VAT1L: variants seen among roughly 807,000 people sequenced by gnomAD.
The protein encoded by VAT1L is vesicle amine transport 1 like.
Under a neutral mutation model 44.1 loss-of-function variants are expected in VAT1L, and 34 were observed. That is an observed-to-expected ratio of 0.77 (90% CI 0.59 to 1.03). The LOEUF (loss-of-function observed/expected upper bound fraction) is 1.03. VAT1L is among the 50% of genes least tolerant of loss of function. VAT1L has a pLI of 0.00. For missense variants in VAT1L, 615 were observed against 538.8 expected (o/e 1.14, Z -1.40); for synonymous variants, 253 against 202.2 (o/e 1.25, Z -2.13).
intron 1 of VAT1L, among the ~76,000 whole-genome samples, chr16:77,804,497 G>A (rs2016120177): frequency 6.6e-6 from 1 of 152,026 alleles, no homozygotes; most frequent in Non-Finnish European, 1.5e-5. Flanking sequence ...TACTAATTTG[G>A]GCATATGATC....
At chr16:77,866,275 C>T (rs902061380) in intron 4 of VAT1L, among the ~76,000 whole-genome samples, 3 of 152,200 alleles carry the variant, frequency 2.0e-5, no homozygotes, top group Admixed American at 6.5e-5. Flanking sequence ...AAATTCAGAA[C>T]AAGCCCCTAC....
chr16:77,847,366 CG>C (rs2016768151), intron 3 of VAT1L, among the ~76,000 whole-genome samples: 1 of 152,294 alleles, frequency 6.6e-6, no homozygotes, highest in Admixed American at 6.5e-5. Flanking sequence ...ACCTCTCCCC[CG>C]GTCTTCCCGT....
rs545138475 is a variant in VAT1L, at chr16:77,872,256, A to T, written c.723-4114A>T. Among the ~76,000 whole-genome samples the T allele has an allele frequency of 2.6e-5, 4 of 152,216 alleles. No homozygotes were observed. In the South Asian group the frequency reaches 8.3e-4, roughly 32 times the overall value. On this transcript the variant is annotated intron_variant, in intron 4 of 8. Transcript: ENST00000302536. Reference sequence around the variant, plus strand: ...CCCTCTCCCCTGCGTACCCACCTCCATGTGAGCTGTTGATTGTGATAGCCA... The same window carrying T: ...CCCTCTCCCCTGCGTACCCACCTCCTTGTGAGCTGTTGATTGTGATAGCCA...
At chr16:77,794,400 C>CTGT (rs1485522913) in intron 1 of VAT1L, among the ~76,000 whole-genome samples, 2 of 152,202 alleles carry the variant, frequency 1.3e-5, no homozygotes, top group Non-Finnish European at 2.9e-5. Flanking sequence ...GTTACTATGA[C>CTGT]TGTTGACCCA....
In VAT1L at chr16:77,867,327, T is replaced by A. The variant is rs376051679; in HGVS notation, c.722+4437T>A. The stretch of plus-strand genomic sequence containing the variant: ...CTCTCACCAAATTGTACACTTTAAA[T>A]ATGTACAGTTTACTGTATGTCAATT... On this transcript the variant is annotated intron_variant, in intron 4 of 8. Transcript: ENST00000302536. 2.5e-4 allele frequency among the ~76,000 whole-genome samples: 38 copies of A among 152,234 alleles called. No individual in the cohort carries two copies. In the East Asian group the frequency reaches 6.2e-3, roughly 25 times the overall value.
At chr16:77,896,002 T>G (rs1306168597) in intron 7 of VAT1L, among the ~76,000 whole-genome samples, 3 of 152,150 alleles carry the variant, frequency 2.0e-5, no homozygotes, top group African/African-American at 4.8e-5. Flanking sequence ...AGATGGAGGT[T>G]GGCACATTCA....
At chr16:77,794,523 A>C (rs908883173) in intron 1 of VAT1L, among the ~76,000 whole-genome samples, 1 of 152,242 alleles carries the variant, frequency 6.6e-6, no homozygotes, top group African/African-American at 2.4e-5. Context: ...CTACATTGGC[A>C]AACCAAGTAT....
intron 8 of VAT1L, among the ~76,000 whole-genome samples, chr16:77,975,276 C>T (rs1484268045): frequency 1.5e-5 from 2 of 132,382 alleles, no homozygotes; most frequent in African/African-American, 5.6e-5. Flanking sequence ...GTGGTGTGAT[C>T]TCAGCTCACT....
At chr16:77,897,950 C>G (rs2017341606) in intron 7 of VAT1L, among the ~76,000 whole-genome samples, 1 of 152,198 alleles carries the variant, frequency 6.6e-6, no homozygotes, top group African/African-American at 2.4e-5. Context: ...AAGGGGCTTA[C>G]ACAACAGAAA....
At chr16:77,933,127 G>C (rs1449471377) in intron 7 of VAT1L, among the ~76,000 whole-genome samples, 1 of 152,212 alleles carries the variant, frequency 6.6e-6, no homozygotes, top group African/African-American at 2.4e-5. Context: ...AGTCATTCCA[G>C]TGTCAGAAGA....
intron 1 of VAT1L, among the ~76,000 whole-genome samples, chr16:77,793,278 AT>A (rs978800024): frequency 1.2e-4 from 18 of 151,506 alleles, no homozygotes; most frequent in Admixed American, 9.9e-4. Flanking sequence ...TGCCCAGCTA[AT>A]TTTTTTTTAA....
At chr16:77,883,493 T>C (rs1205300364) in intron 6 of VAT1L, among the ~76,000 whole-genome samples, 3 of 152,184 alleles carry the variant, frequency 2.0e-5, no homozygotes, top group African/African-American at 7.2e-5. Context: ...CTATGGATAT[T>C]TGGGGCTGGG....
In VAT1L at chr16:77,880,716, T is replaced by C. The variant is rs538635537; in HGVS notation, c.882+1492T>C. The stretch of plus-strand genomic sequence containing the variant: ...GGTACAAATGATCCTCTCATTCACA[T>C]AGTGAGCATAGTACCCAATAGTTTT... On this transcript the variant is annotated intron_variant, in intron 6 of 8. Coordinates refer to ENST00000302536, the MANE Select transcript of VAT1L (RefSeq NM_020927.3). Among the ~76,000 whole-genome samples, 4 of 150,620 alleles carry C rather than the reference T, an allele frequency of 2.7e-5. No homozygotes were observed. In the South Asian group the frequency reaches 6.4e-4, roughly 24 times the overall value.
Position 77,788,856 on chromosome 16 carries a change from C to T in VAT1L, c.174C>T (p.Leu58=), listed in dbSNP as rs1387893392. The change falls in exon 1 of 9, where the codon CTC becomes CTT. Residue 58 remains leucine, a synonymous_variant. Coordinates refer to ENST00000302536, the MANE Select transcript of VAT1L (RefSeq NM_020927.3). ...TCGGGGGGCTCAACAAGCTGCGGCT[C>T]TTCAGGAAGGCCATGCCCGAGCCTC... ...AGFGGLNKLR[L]FRKAMPEPQD... 5 of 1,577,886 alleles carry T rather than the reference C, an allele frequency of 3.2e-6. No individual in the cohort carries two copies. Among genetic ancestry groups the T allele is most frequent in the South Asian group, 1.2e-5 (1 of 85,572 alleles).
chr16:77,820,478 G>T (rs937997693), intron 2 of VAT1L, among the ~76,000 whole-genome samples: 1 of 152,148 alleles, frequency 6.6e-6, no homozygotes, highest in Non-Finnish European at 1.5e-5. Flanking sequence ...CTCTGTAGGG[G>T]TGTTTCCCAT....
intron 6 of VAT1L, among the ~76,000 whole-genome samples, chr16:77,880,021 T>C (rs2017132918): frequency 6.6e-6 from 1 of 152,176 alleles, no homozygotes; most frequent in Admixed American, 6.5e-5. Flanking sequence ...AACCACTCTC[T>C]TGGGTGATCA....
At chr16:77,968,079 G>T (rs1457726610) in intron 7 of VAT1L, among the ~76,000 whole-genome samples, 1 of 152,144 alleles carries the variant, frequency 6.6e-6, no homozygotes, top group East Asian at 1.9e-4. Context: ...TGTGAGATAA[G>T]AATATATTAT....
chr16:77,857,567 G>C lies in VAT1L; in HGVS notation c.580-5181G>C, dbSNP rs1049003982. Among the ~76,000 whole-genome samples, 5 of 151,670 alleles carry C rather than the reference G, an allele frequency of 3.3e-5. No individual in the cohort carries two copies. The East Asian group carries it at 9.7e-4, about 29-fold the overall frequency. On this transcript the variant is annotated intron_variant, in intron 3 of 8. Transcript: ENST00000302536. ...TCCATCCATTAATCTTTATATAAAA[G>C]TATAGATTATTATATATTATACATA... is the stretch of plus-strand genomic sequence containing the variant.
In VAT1L at chr16:77,949,425, G is replaced by T. The variant is rs1463788171; in HGVS notation, c.1078-22425G>T. 2.0e-5 allele frequency among the ~76,000 whole-genome samples: 3 copies of T among 152,156 alleles called. 1 individual carries two copies. Among genetic ancestry groups the T allele is most frequent in the Non-Finnish European group, 1.5e-5 (1 of 68,030 alleles). ...TCCTAGAAAAAAGAATAGGCAATGT[G>T]CTAAGAGTTTGGATGTTTGTTCCCC... On this transcript the variant is annotated intron_variant, in intron 7 of 8. Transcript: ENST00000302536.
Sources: gnomAD v4.1 joint callset for allele counts (sites outside exome capture counted in the v4.1 genomes callset) on GRCh38, gnomAD v4.1.1 for gene constraint, MANE v1.5 for transcripts, NCBI Gene and HGNC (gene_info 2026-07-23, HGNC 2026-07-21) for gene names.